The following FARP1 variants were observed in gnomAD, a reference collection of about 807,000 sequenced individuals.
The protein encoded by FARP1 is FERM, ARH/RhoGEF and pleckstrin domain protein 1, also known as FERM, ARHGEF and pleckstrin domain-containing protein 1.
FARP1 carries 52 observed loss-of-function variants against 128.8 expected under a neutral mutation model. The observed-to-expected ratio is 0.40, with a 90% confidence interval of 0.32 to 0.51. The LOEUF (loss-of-function observed/expected upper bound fraction) is 0.51. FARP1 is among the 20% of genes least tolerant of loss of function. The pLI, the probability that FARP1 is intolerant of heterozygous loss-of-function variation, is 0.45. For synonymous variants in FARP1, 580 were observed against 551.8 expected (o/e 1.05, Z -0.72); for missense variants, 1,333 against 1,367.9 (o/e 0.97, Z 0.40).
intron 13 of FARP1, among the ~76,000 whole-genome samples, chr13:98,408,571 C>T (rs1442582687): frequency 1.3e-5 from 2 of 152,070 alleles, no homozygotes; most frequent in African/African-American, 4.8e-5. Context: ...TCAGGCAATC[C>T]GCCTGCCTCG....
intron 2 of FARP1, among the ~76,000 whole-genome samples, chr13:98,243,173 A>G (rs1467650335): frequency 6.6e-6 from 1 of 152,230 alleles, no homozygotes; most frequent in African/African-American, 2.4e-5. Flanking sequence ...CCACAACGCC[A>G]TAAAAAATTA....
chr13:98,227,660 A>G (rs1395762877), intron 2 of FARP1, among the ~76,000 whole-genome samples: 2 of 152,210 alleles, frequency 1.3e-5, no homozygotes, highest in African/African-American at 4.8e-5. Flanking sequence ...CGTCGAGATA[A>G]TTGAACACCC....
chr13:98,221,725 A>T (rs1478419708), intron 2 of FARP1, among the ~76,000 whole-genome samples: 1 of 152,132 alleles, frequency 6.6e-6, no homozygotes, highest in Non-Finnish European at 1.5e-5. Flanking sequence ...TCCTAGAGTC[A>T]GGATGTTCCT....
At chr13:98,330,576 G>A (rs1435242188) in intron 2 of FARP1, among the ~76,000 whole-genome samples, 1 of 152,022 alleles carries the variant, frequency 6.6e-6, no homozygotes, top group African/African-American at 2.4e-5. Flanking sequence ...CCAACATGGT[G>A]AAACCCCGTC....
At chr13:98,390,701 A>G (rs1890273485) in intron 10 of FARP1, 111 bp from the exon 11 acceptor site, 1 of 815,574 alleles carries the variant, frequency 1.2e-6, no homozygotes, top group South Asian at 1.7e-5. Flanking sequence ...GCAACCCTGC[A>G]TCTCTCCCAG....
At chr13:98,441,684 T>A (rs1594543892) in intron 24 of FARP1, among the ~76,000 whole-genome samples, 1 of 152,110 alleles carries the variant, frequency 6.6e-6, no homozygotes, top group South Asian at 2.1e-4. Flanking sequence ...AAGGTTAGGG[T>A]GACCGTTTTT....
intron 1 of FARP1, among the ~76,000 whole-genome samples, chr13:98,169,030 T>G (rs1440207762): frequency 6.6e-6 from 1 of 152,232 alleles, no homozygotes; most frequent in Non-Finnish European, 1.5e-5. Context: ...AAACTGTTTT[T>G]TTTTGTTGTT....
At chr13:98,153,021 T>C (rs1048155084) in intron 1 of FARP1, among the ~76,000 whole-genome samples, 9 of 151,946 alleles carry the variant, frequency 5.9e-5, no homozygotes. Flanking sequence ...ACCTAGAATA[T>C]CATCTATCTG....
intron 2 of FARP1, among the ~76,000 whole-genome samples, chr13:98,337,842 T>C (rs1207377248): frequency 3.9e-5 from 6 of 151,988 alleles, no homozygotes; most frequent in Non-Finnish European, 8.8e-5. Flanking sequence ...AGATGTTCAG[T>C]TTATTCCTTT....
intron 5 of FARP1, among the ~76,000 whole-genome samples, chr13:98,374,415 A>G (rs892596064): frequency 1.5e-4 from 23 of 152,116 alleles, no homozygotes; most frequent in Non-Finnish European, 3.2e-4. Flanking sequence ...ACAGAGCAAG[A>G]CTCTGTCTCA....
chr13:98,259,274 G>A (rs1883759104), intron 2 of FARP1, among the ~76,000 whole-genome samples: 1 of 151,996 alleles, frequency 6.6e-6, no homozygotes. Context: ...TAGAGTATAT[G>A]TATATAGAGT....
chr13:98,324,359 G>A lies in FARP1; in HGVS notation c.172-19403G>A, dbSNP rs79383986. On this transcript the variant is annotated intron_variant, in intron 2 of 26. Coordinates refer to ENST00000319562, the MANE Select transcript of FARP1 (RefSeq NM_005766.4). ...AAAAGCGAAACACGGTTCCTGCTGC[G>A]CCCACTGCTTTTTGTGTAAGATCTA... Among the ~76,000 whole-genome samples, 679 of 152,224 alleles carry A rather than the reference G, an allele frequency of 4.5e-3. 5 individuals are homozygous for A. Among genetic ancestry groups the A allele is most frequent in the African/African-American group, 0.015 (620 of 41,530 alleles).
chr13:98,252,399 A>C (rs1048675711), intron 2 of FARP1, among the ~76,000 whole-genome samples: 3 of 152,208 alleles, frequency 2.0e-5, no homozygotes, highest in African/African-American at 7.2e-5. Context: ...GGGTAGGTTC[A>C]ATAGAACGTT....
intron 2 of FARP1, among the ~76,000 whole-genome samples, chr13:98,315,796 A>AGCAGTAAGAGCAGTCGG (rs1886694617): frequency 1.3e-5 from 2 of 152,244 alleles, no homozygotes; most frequent in Admixed American, 6.5e-5. Flanking sequence ...GTCCCAGCCC[A>AGCAGTAAGAGCAGTCGG]GCAGTAAGAG....
chr13:98,190,004 C>T (rs778725454), intron 1 of FARP1, among the ~76,000 whole-genome samples: 11 of 152,104 alleles, frequency 7.2e-5, no homozygotes, highest in East Asian at 3.8e-4. Flanking sequence ...ATTTAGTGAC[C>T]GAAGATTGCC....
At chr13:98,370,687 C>A (rs1234521842) in intron 5 of FARP1, among the ~76,000 whole-genome samples, 1 of 151,962 alleles carries the variant, frequency 6.6e-6, no homozygotes, top group East Asian at 1.9e-4. Context: ...GTTTGAGATA[C>A]CTGTTAGCTG....
At chr13:98,377,360 A>C (rs1177999606) in intron 5 of FARP1, among the ~76,000 whole-genome samples, 2 of 133,784 alleles carry the variant, frequency 1.5e-5, no homozygotes, top group Non-Finnish European at 3.2e-5. Flanking sequence ...GGTCCTATGG[A>C]AGTAGTTACA....
rs770505949 is a variant in FARP1 at position 98,176,275 on chromosome 13, C to G, written c.-24+32783C>G. The G allele has an allele frequency of 6.2e-7, 1 of 1,611,316 alleles. No homozygotes were observed. The highest frequency in any genetic ancestry group is 8.5e-7 in the Non-Finnish European group (1 of 1,178,150). On this transcript the variant is annotated intron_variant, in intron 1 of 26. Coordinates refer to ENST00000319562, the MANE Select transcript of FARP1 (RefSeq NM_005766.4). This position sits in a 1 kb window ranked among gnomAD's most constrained non-coding sequence, Gnocchi z 6.2. ...GGGGTCTTCTGTGAAATGGGACTTG[C>G]CCCCACCTTCTGCAGCCTGAAGCTT...
chr13:98,395,988 G>A (rs1407420606), intron 13 of FARP1: 5 of 399,040 alleles, frequency 1.3e-5, no homozygotes, highest in Non-Finnish European at 1.8e-5. Context: ...ACACTCTCCC[G>A]GACCAGGGTC....
Sources: allele counts gnomAD v4.1 joint callset (sites outside exome capture counted in the v4.1 genomes callset), GRCh38; gene constraint gnomAD v4.1.1; non-coding constraint Gnocchi (gnomAD v3.1); transcripts MANE v1.5; gene names NCBI Gene and HGNC (gene_info 2026-07-23, HGNC 2026-07-21).